RALGAPA2: variants seen among roughly 807,000 people sequenced by gnomAD.
RALGAPA2 encodes Ral GTPase activating protein catalytic subunit alpha 2, also known as ral GTPase-activating protein subunit alpha-2.
A neutral mutation model predicts 230.4 loss-of-function variants in RALGAPA2; 139 were observed. The observed-to-expected ratio is 0.60, with a 90% CI of 0.53 to 0.69. The LOEUF is 0.69. Among genes scored for constraint, RALGAPA2 ranks in the 30% least tolerant of loss-of-function variants. The pLI, the probability that RALGAPA2 is intolerant of heterozygous loss-of-function variation, is 0.00. For missense variants in RALGAPA2, 2,163 were observed against 2,276.0 expected, an observed-to-expected ratio of 0.95 and a Z score of 1.01; for synonymous variants, 847 against 837.8, an observed-to-expected ratio of 1.01 and a Z score of -0.19.
At chr20:20,439,545 A>G (rs2060690498) in intron 37 of RALGAPA2, among the ~76,000 whole-genome samples, 1 of 152,110 alleles carries the variant, frequency 6.6e-6, no homozygotes, top group African/African-American at 2.4e-5. Flanking sequence ...GTATCACTAG[A>G]GAGACTAAAT....
intron 36 of RALGAPA2, among the ~76,000 whole-genome samples, chr20:20,491,315 A>C (rs1048543006): frequency 6.6e-6 from 1 of 152,126 alleles, no homozygotes; most frequent in Non-Finnish European, 1.5e-5. Flanking sequence ...TTCCATTTAC[A>C]AAAGGGACAC....
intron 35 of RALGAPA2, among the ~76,000 whole-genome samples, chr20:20,501,269 A>C (rs540892652): frequency 2.0e-5 from 3 of 152,360 alleles, no homozygotes; most frequent in East Asian, 3.9e-4. Flanking sequence ...TTCCAATAGA[A>C]GGCTGTTTTT....
intron 1 of RALGAPA2, among the ~76,000 whole-genome samples, chr20:20,686,773 C>T (rs2068716124): frequency 6.6e-6 from 1 of 152,178 alleles, no homozygotes; most frequent in African/African-American, 2.4e-5. Context: ...CACATATAAT[C>T]CTCTTCAATA....
chr20:20,628,110 A>C (rs2066548076), intron 10 of RALGAPA2, among the ~76,000 whole-genome samples: 1 of 152,252 alleles, frequency 6.6e-6, no homozygotes, highest in Non-Finnish European at 1.5e-5. Flanking sequence ...ACATTTTCTT[A>C]AGTAAAATTT....
intron 3 of RALGAPA2, among the ~76,000 whole-genome samples, chr20:20,667,295 T>C (rs1352957544): frequency 2.6e-5 from 4 of 152,164 alleles, no homozygotes; most frequent in Non-Finnish European, 5.9e-5. Flanking sequence ...TAAGCTCACC[T>C]GGAGCAATGA....
chr20:20,485,982 A>G (rs1602511315), intron 36 of RALGAPA2, among the ~76,000 whole-genome samples: 1 of 152,124 alleles, frequency 6.6e-6, no homozygotes, highest in East Asian at 1.9e-4. Flanking sequence ...TCTAGAAAAA[A>G]CACAAAATTA....
chr20:20,688,530 G>C (rs2068786072), intron 1 of RALGAPA2, among the ~76,000 whole-genome samples: 1 of 152,162 alleles, frequency 6.6e-6, no homozygotes, highest in Non-Finnish European at 1.5e-5. Flanking sequence ...AGGAAGCACA[G>C]AGTCCCCTTA....
chr20:20,559,123 G>C (rs545670668), intron 23 of RALGAPA2, among the ~76,000 whole-genome samples: 1 of 152,238 alleles, frequency 6.6e-6, no homozygotes, highest in South Asian at 2.1e-4. Context: ...AACACAAAAT[G>C]CATGCTCTCT....
chr20:20,522,198 C>T (rs1270895198), intron 30 of RALGAPA2, among the ~76,000 whole-genome samples: 2 of 146,300 alleles, frequency 1.4e-5, no homozygotes, highest in Non-Finnish European at 3.0e-5. Flanking sequence ...ACATGTATTC[C>T]AGCAACTTCA....
intron 10 of RALGAPA2, among the ~76,000 whole-genome samples, chr20:20,621,737 A>C (rs533585952): frequency 6.6e-6 from 1 of 152,346 alleles, no homozygotes; most frequent in Non-Finnish European, 1.5e-5. Context: ...TAAACAATTT[A>C]AAGGAGAAAT....
intron 3 of RALGAPA2, among the ~76,000 whole-genome samples, chr20:20,667,695 AAG>A (rs1261131645): frequency 2.0e-5 from 3 of 152,208 alleles, no homozygotes; most frequent in African/African-American, 7.2e-5. Context: ...ACGGGTGAGA[AAG>A]AGACATGGTG....
chr20:20,687,471 A>G (rs1290592241), intron 1 of RALGAPA2, among the ~76,000 whole-genome samples: 1 of 152,170 alleles, frequency 6.6e-6, no homozygotes, highest in Non-Finnish European at 1.5e-5. Flanking sequence ...TGCTTTGGCC[A>G]AAAAGGCCTT....
chr20:20,582,475 A>AT (rs1031014695), intron 20 of RALGAPA2, among the ~76,000 whole-genome samples: 1 of 151,972 alleles, frequency 6.6e-6, no homozygotes, highest in African/African-American at 2.4e-5. Context: ...GTATGAAGTC[A>AT]TTTTTTTTAA....
At chr20:20,640,633 A>G in intron 6 of RALGAPA2, 68 bp downstream of exon 6, 1 of 1,440,198 alleles carries the variant, frequency 6.9e-7, no homozygotes, top group Non-Finnish European at 9.5e-7. Context: ...AGAAAATGAA[A>G]AAGTAAGAAT....
chr20:20,458,804 A>G (rs1349941851), intron 37 of RALGAPA2, among the ~76,000 whole-genome samples: 1 of 138,340 alleles, frequency 7.2e-6, no homozygotes, highest in Non-Finnish European at 1.6e-5. Flanking sequence ...ATATATATAG[A>G]CCTATATATA....
chr20:20,640,594 T>G, intron 6 of RALGAPA2, 107 bp downstream of exon 6: 1 of 1,106,192 alleles, frequency 9.0e-7, no homozygotes, highest in South Asian at 1.7e-5. Flanking sequence ...GAATAATTCC[T>G]CTTCAGACTC....
At chr20:20,552,737 A>G (rs931995217) in intron 23 of RALGAPA2, among the ~76,000 whole-genome samples, 2 of 152,194 alleles carry the variant, frequency 1.3e-5, no homozygotes, top group Admixed American at 1.3e-4. Flanking sequence ...CACCTGCTGA[A>G]GTTCAGAAAT....
intron 18 of RALGAPA2, among the ~76,000 whole-genome samples, chr20:20,588,702 C>T (rs1399239295): frequency 6.6e-6 from 1 of 152,022 alleles, no homozygotes; most frequent in East Asian, 1.9e-4. Context: ...AGAGGCCTTC[C>T]CTTTTTTATT....
intron 7 of RALGAPA2, among the ~76,000 whole-genome samples, chr20:20,637,978 C>T: frequency 6.6e-6 from 1 of 152,134 alleles, no homozygotes; most frequent in Admixed American, 6.5e-5. Context: ...AGGCAAAAGC[C>T]ATGGAATCTT....
Sources: gnomAD v4.1 joint callset for allele counts (sites outside exome capture counted in the v4.1 genomes callset) on GRCh38, gnomAD v4.1.1 for gene constraint, MANE v1.5 for transcripts, NCBI Gene and HGNC (gene_info 2026-07-23, HGNC 2026-07-21) for gene names.